Variants in FHIT observed in about 807,000 individuals in gnomAD.
FHIT encodes bis(5'-adenosyl)-triphosphatase.
FHIT carries 19 observed loss-of-function variants against 17.9 expected under a neutral mutation model. That is an observed-to-expected ratio of 1.06 (90% CI 0.74 to 1.56). FHIT has a LOEUF of 1.56. Among genes scored for constraint, FHIT ranks in the 40% most tolerant of loss-of-function variants. The probability of loss-of-function intolerance (pLI) is 0.00; values close to 1 mark genes in which losing one functional copy is unlikely to be tolerated. For synonymous variants in FHIT, 81 were observed against 69.7 expected, an observed-to-expected ratio of 1.16 and a Z score of -0.81; for missense variants, 248 against 189.2, an observed-to-expected ratio of 1.31 and a Z score of -1.82.
At chr3:59,882,458 A>T (rs1469816807) in intron 8 of FHIT, among the ~76,000 whole-genome samples, 3 of 112,224 alleles carry the variant, frequency 2.7e-5, no homozygotes, top group African/African-American at 1.0e-4. Flanking sequence ...GCAGACTGTA[A>T]TTGAGTTTTA....
At chr3:61,048,101 C>T (rs1413127959) in intron 2 of FHIT, among the ~76,000 whole-genome samples, 1 of 151,648 alleles carries the variant, frequency 6.6e-6, no homozygotes, top group Non-Finnish European at 1.5e-5. Flanking sequence ...AAAGCAATGG[C>T]AACAAAAGCC....
intron 3 of FHIT, among the ~76,000 whole-genome samples, chr3:60,871,942 T>C (rs1704435036): frequency 6.6e-6 from 1 of 152,208 alleles, no homozygotes; most frequent in Admixed American, 6.6e-5. Context: ...AAATTACAAG[T>C]GTGAGCCACT....
chr3:60,902,768 T>G (rs1376000211), intron 3 of FHIT, among the ~76,000 whole-genome samples: 1 of 152,160 alleles, frequency 6.6e-6, no homozygotes, highest in Admixed American at 6.5e-5. Flanking sequence ...CAGACATGCC[T>G]AAAGATCTAC....
chr3:60,056,830 G>A (rs1702103037), intron 5 of FHIT, among the ~76,000 whole-genome samples: 2 of 152,202 alleles, frequency 1.3e-5, no homozygotes, highest in African/African-American at 2.4e-5. Flanking sequence ...GTTTTCAGCA[G>A]AGCAGACAGA....
rs576045733 is a variant in FHIT, at chr3:60,448,344, A to C, written c.103+88516T>G. On this transcript the variant is annotated intron_variant, in intron 5 of 9. Coordinates refer to ENST00000492590, the MANE Select transcript of FHIT (RefSeq NM_002012.4). ...TGGAGTCAAAAAAAATCACACAAAA[A>C]AACTTAGGTCTAAAAGCAAACAAAA... 6.6e-5 allele frequency among the ~76,000 whole-genome samples: 10 copies of C among 152,328 alleles called. No homozygotes were observed. In the South Asian group the frequency reaches 2.1e-3, roughly 32 times the overall value.
intron 9 of FHIT, chr3:59,751,931 A>G (rs1452424270): frequency 5.8e-6 from 2 of 342,944 alleles, no homozygotes; most frequent in African/African-American, 2.1e-5. Context: ...CTTTGTGAAC[A>G]TTGGATTCTG....
chr3:60,071,036 C>T (rs963834221), intron 5 of FHIT, among the ~76,000 whole-genome samples: 5 of 152,174 alleles, frequency 3.3e-5, no homozygotes, highest in African/African-American at 1.2e-4. Context: ...TTACCGTAGT[C>T]AGCAAAGCCC....
chr3:60,928,545 T>C (rs1260308497), intron 3 of FHIT, among the ~76,000 whole-genome samples: 7 of 42,540 alleles, frequency 1.6e-4, no homozygotes, highest in African/African-American at 4.6e-4. Context: ...GGAGACTCTG[T>C]CTCTAAATAA....
At chr3:60,386,018 G>C (rs1161354757) in intron 5 of FHIT, among the ~76,000 whole-genome samples, 1 of 152,154 alleles carries the variant, frequency 6.6e-6, no homozygotes. Flanking sequence ...GTGCTTCTGA[G>C]TGCCATACCC....
chr3:60,756,723 C>T (rs9851737), intron 4 of FHIT, among the ~76,000 whole-genome samples: 2,173 of 152,166 alleles, frequency 0.014, 47 homozygotes, highest in African/African-American at 0.049. Flanking sequence ...GGAATTAGGC[C>T]GCATTATCCT....
chr3:59,881,046 G>A (rs940575751), intron 8 of FHIT, among the ~76,000 whole-genome samples: 2 of 152,148 alleles, frequency 1.3e-5, no homozygotes, highest in African/African-American at 4.8e-5. Context: ...ATTAATGGAT[G>A]TATTCCCTAA....
chr3:59,875,038 C>G (rs1340576003), intron 8 of FHIT, among the ~76,000 whole-genome samples: 3 of 152,172 alleles, frequency 2.0e-5, no homozygotes, highest in African/African-American at 7.2e-5. Context: ...TAGAGTGGTC[C>G]TTCCCAGGTG....
chr3:60,576,835 A>G (rs1553657761), intron 4 of FHIT, among the ~76,000 whole-genome samples: 1 of 152,030 alleles, frequency 6.6e-6, no homozygotes, highest in Non-Finnish European at 1.5e-5. Flanking sequence ...CTATCCCCCT[A>G]AAGCCCACTT....
intron 7 of FHIT, among the ~76,000 whole-genome samples, chr3:60,009,205 G>T (rs1402610344): frequency 6.7e-6 from 1 of 148,858 alleles, no homozygotes; most frequent in Admixed American, 6.7e-5. Context: ...GTGTGTGTGT[G>T]TGTGTGTGTG....
chr3:59,921,431 G>A (rs910003886), intron 8 of FHIT, among the ~76,000 whole-genome samples: 3 of 152,172 alleles, frequency 2.0e-5, no homozygotes, highest in African/African-American at 7.2e-5. Flanking sequence ...CATTCTCAAA[G>A]AGTTAGAACA....
chr3:60,172,343 G>A (rs1386562011), intron 5 of FHIT, among the ~76,000 whole-genome samples: 6 of 152,084 alleles, frequency 3.9e-5, no homozygotes, highest in Non-Finnish European at 7.4e-5. Context: ...TCAGCTCACT[G>A]CAACCTCCAT....
At chr3:61,230,934 T>C (rs1165307522) in intron 1 of FHIT, among the ~76,000 whole-genome samples, 1 of 152,210 alleles carries the variant, frequency 6.6e-6, no homozygotes, top group Non-Finnish European at 1.5e-5. Context: ...CTGTGGATTC[T>C]ATCACTGACG....
intron 2 of FHIT, among the ~76,000 whole-genome samples, chr3:61,142,121 A>AT (rs2037101729): frequency 8.0e-6 from 1 of 124,586 alleles, no homozygotes; most frequent in Admixed American, 7.4e-5. Flanking sequence ...TCTTAAAAAA[A>AT]ATTTTTTTTT....
intron 5 of FHIT, among the ~76,000 whole-genome samples, chr3:60,376,886 G>A (rs1164006534): frequency 6.6e-6 from 1 of 152,202 alleles, no homozygotes; most frequent in Non-Finnish European, 1.5e-5. Flanking sequence ...TGGACAGTGT[G>A]TATAAAGCTA....
Sources: allele counts gnomAD v4.1 joint callset (sites outside exome capture counted in the v4.1 genomes callset), GRCh38; gene constraint gnomAD v4.1.1; transcripts MANE v1.5; gene names NCBI Gene and HGNC (gene_info 2026-07-23, HGNC 2026-07-21).